XKR6: variants seen among roughly 807,000 people sequenced by gnomAD.
The protein encoded by XKR6 is XK related 6.
Under a neutral mutation model 56.7 loss-of-function variants are expected in XKR6, and 22 were observed. The ratio of observed to expected loss-of-function variants is 0.39; its 90% CI spans 0.28 to 0.55. XKR6 has a LOEUF of 0.55. Among genes scored for constraint, XKR6 ranks in the 20% least tolerant of loss-of-function variants. XKR6 has a pLI of 0.66. For missense variants in XKR6, 852 were observed against 889.0 expected, an observed-to-expected ratio of 0.96 and a Z score of 0.53; for synonymous variants, 524 against 387.8, an observed-to-expected ratio of 1.35 and a Z score of -4.13.
chr8:11,092,987 C>T lies in XKR6; in HGVS notation c.764+107589G>A, dbSNP rs558740686. On this transcript the variant is annotated intron_variant, in intron 1 of 2. Coordinates refer to ENST00000416569, the MANE Select transcript of XKR6 (RefSeq NM_173683.4). ...CCTTGACTACCCACAGTCGCCAACCCTGCTCCCCAGCTTGCTTGCTTTTCT... is the reference window on the plus strand; with the variant it reads ...CCTTGACTACCCACAGTCGCCAACCTTGCTCCCCAGCTTGCTTGCTTTTCT... Among the ~76,000 whole-genome samples the T allele has an allele frequency of 6.6e-5, 10 of 152,206 alleles. No individual in the cohort carries two copies. In the South Asian group the frequency reaches 1.5e-3, roughly 22 times the overall value.
chr8:11,160,715 C>T (rs1415957122), intron 1 of XKR6, among the ~76,000 whole-genome samples: 1 of 152,032 alleles, frequency 6.6e-6, no homozygotes, highest in Non-Finnish European at 1.5e-5. Flanking sequence ...CGAGACCAGC[C>T]TGGCCAACAG....
At chr8:11,068,697 A>C (rs1249697255) in intron 1 of XKR6, among the ~76,000 whole-genome samples, 2 of 152,030 alleles carry the variant, frequency 1.3e-5, no homozygotes, top group Admixed American at 1.3e-4. Flanking sequence ...CACCAGAGAG[A>C]GGCTTCCCAG....
intron 1 of XKR6, among the ~76,000 whole-genome samples, chr8:11,081,903 G>A (rs1362783604): frequency 1.3e-5 from 2 of 152,214 alleles, no homozygotes; most frequent in Non-Finnish European, 2.9e-5. Flanking sequence ...TGCCCCTCGA[G>A]GTGGGACTGG....
intron 1 of XKR6, among the ~76,000 whole-genome samples, chr8:11,085,106 C>T (rs1280578801): frequency 6.6e-6 from 1 of 152,126 alleles, no homozygotes; most frequent in Non-Finnish European, 1.5e-5. Context: ...CTTCCAGGGT[C>T]TCCTCTGCAG....
At chr8:10,953,935 G>A (rs1056500624) in intron 1 of XKR6, among the ~76,000 whole-genome samples, 4 of 152,164 alleles carry the variant, frequency 2.6e-5, no homozygotes, top group Non-Finnish European at 2.9e-5. Flanking sequence ...TTTTGTGGCT[G>A]GCTTCTTTCA....
intron 1 of XKR6, among the ~76,000 whole-genome samples, chr8:11,044,491 G>A (rs1465888853): frequency 6.6e-6 from 1 of 152,182 alleles, no homozygotes; most frequent in Non-Finnish European, 1.5e-5. Flanking sequence ...TCAATTGTGT[G>A]ATTTTTCAGC....
chr8:10,946,712 G>A (rs1447270317), intron 1 of XKR6, among the ~76,000 whole-genome samples: 1 of 152,118 alleles, frequency 6.6e-6, no homozygotes, highest in South Asian at 2.1e-4. Context: ...CAGGCACTGG[G>A]GTAGGCACAG....
intron 1 of XKR6, among the ~76,000 whole-genome samples, chr8:11,027,642 G>C (rs1313240873): frequency 6.6e-6 from 1 of 152,226 alleles, no homozygotes; most frequent in Non-Finnish European, 1.5e-5. Context: ...TCTTGGGCCA[G>C]TGGCTCAAGG....
intron 1 of XKR6, among the ~76,000 whole-genome samples, chr8:11,126,703 T>C (rs1799816530): frequency 6.6e-6 from 1 of 152,166 alleles, no homozygotes; most frequent in Non-Finnish European, 1.5e-5. Flanking sequence ...AACAGAGCCA[T>C]CTCTGGAGTC....
chr8:11,134,247 T>A (rs1563162854), intron 1 of XKR6, among the ~76,000 whole-genome samples: 1 of 152,198 alleles, frequency 6.6e-6, no homozygotes, highest in African/African-American at 2.4e-5. Context: ...TCACAGTGTG[T>A]GTTACTGTTG....
At chr8:10,995,927 C>T (rs552297147) in intron 1 of XKR6, among the ~76,000 whole-genome samples, 1 of 152,268 alleles carries the variant, frequency 6.6e-6, no homozygotes, top group South Asian at 2.1e-4. Context: ...TGGCTTGCAA[C>T]TTATACTGGC....
chr8:11,172,566 T>C (rs1021893020), intron 1 of XKR6, among the ~76,000 whole-genome samples: 1 of 152,160 alleles, frequency 6.6e-6, no homozygotes, highest in Non-Finnish European at 1.5e-5. Flanking sequence ...CATAATGGCA[T>C]TGACCTCCCT....
rs563796464 is a variant in XKR6 at position 11,096,801 on chromosome 8, G to A, written c.764+103775C>T. ...GTTGGTGTCTTCTTATCTTTGTATT[G>A]CAGTTTTTAGCTGTTTTTCAACAAA... On this transcript the variant is annotated intron_variant, in intron 1 of 2. Coordinates refer to ENST00000416569, the MANE Select transcript of XKR6 (RefSeq NM_173683.4). Among the ~76,000 whole-genome samples the A allele has an allele frequency of 1.4e-4, 22 of 152,308 alleles. No homozygotes were observed. In the South Asian group the frequency reaches 4.3e-3, roughly 30 times the overall value.
At chr8:11,046,385 G>C (rs1799411292) in intron 1 of XKR6, among the ~76,000 whole-genome samples, 2 of 152,144 alleles carry the variant, frequency 1.3e-5, no homozygotes, top group Non-Finnish European at 2.9e-5. Flanking sequence ...GGGCAACAGA[G>C]TGGGACTCTG....
chr8:11,127,694 G>A (rs184704939), intron 1 of XKR6, among the ~76,000 whole-genome samples: 13 of 152,238 alleles, frequency 8.5e-5, no homozygotes, highest in Non-Finnish European at 1.0e-4. Flanking sequence ...ACCTTACCCA[G>A]ATAATCCTGG....
intron 2 of XKR6, among the ~76,000 whole-genome samples, chr8:10,920,107 A>G (rs1436013292): frequency 2.6e-5 from 4 of 152,140 alleles, no homozygotes; most frequent in African/African-American, 7.2e-5. Context: ...AAACTCACCT[A>G]TTAAAGTGGT....
At chr8:10,919,773 A>G (rs1226063073) in intron 2 of XKR6, among the ~76,000 whole-genome samples, 5 of 152,164 alleles carry the variant, frequency 3.3e-5, no homozygotes, top group Non-Finnish European at 7.3e-5. Context: ...ACAGGAGCGG[A>G]GCCTTAGCAG....
intron 1 of XKR6, among the ~76,000 whole-genome samples, chr8:11,191,648 T>C (rs1585039101): frequency 7.8e-6 from 1 of 127,680 alleles, no homozygotes; most frequent in Admixed American, 8.5e-5. Flanking sequence ...AAACGCAAAA[T>C]ATGAGCAGAC....
At chr8:11,016,994 G>T (rs964627266) in intron 1 of XKR6, among the ~76,000 whole-genome samples, 1 of 152,232 alleles carries the variant, frequency 6.6e-6, no homozygotes, top group Non-Finnish European at 1.5e-5. Flanking sequence ...TAGATAGACT[G>T]ATAAGATGAA....
Sources: allele counts gnomAD v4.1 joint callset (sites outside exome capture counted in the v4.1 genomes callset), GRCh38; gene constraint gnomAD v4.1.1; transcripts MANE v1.5; gene names NCBI Gene and HGNC (gene_info 2026-07-23, HGNC 2026-07-21).